The following COBL variants were observed in gnomAD, a reference collection of about 807,000 sequenced individuals.
COBL encodes the protein protein cordon-bleu.
A neutral mutation model predicts 98.8 loss-of-function variants in COBL; 51 were observed. The observed-to-expected ratio is 0.52, with a 90% CI of 0.41 to 0.65. The LOEUF is 0.65. Ranked by LOEUF, COBL falls within the 30% of genes least tolerant of loss-of-function variation. The pLI, the probability that COBL is intolerant of heterozygous loss-of-function variation, is 0.00. For missense variants in COBL, 1,617 were observed against 1,617.5 expected, an observed-to-expected ratio of 1.00 and a Z score of 0.01; for synonymous variants, 634 against 651.7, an observed-to-expected ratio of 0.97 and a Z score of 0.41.
chr7:51,098,369 A>G (rs910354340), intron 6 of COBL, among the ~76,000 whole-genome samples: 1 of 152,060 alleles, frequency 6.6e-6, no homozygotes, highest in Non-Finnish European at 1.5e-5. Context: ...TTCAAAACAT[A>G]TTACAAAGCT....
intron 2 of COBL, among the ~76,000 whole-genome samples, chr7:51,194,837 G>A (rs961962031): frequency 6.6e-6 from 1 of 151,896 alleles, no homozygotes; most frequent in African/African-American, 2.4e-5. Flanking sequence ...GGGTACATGT[G>A]CACAACGTGC....
chr7:51,022,659 T>C (rs1248470231), intron 12 of COBL: 1 of 152,186 alleles, frequency 6.6e-6, no homozygotes, highest in Non-Finnish European at 1.5e-5. Flanking sequence ...CGCTTGCTGG[T>C]TGTGGACCTC....
At chr7:51,148,647 C>G (rs1785261932) in intron 5 of COBL, among the ~76,000 whole-genome samples, 1 of 152,192 alleles carries the variant, frequency 6.6e-6, no homozygotes, top group South Asian at 2.1e-4. Flanking sequence ...GCTCCCTTTC[C>G]TGGGAATCCT....
chr7:51,196,024 C>T lies in COBL; in HGVS notation c.246-2435G>A, dbSNP rs1000906136. Among the ~76,000 whole-genome samples, 3 of 152,126 alleles carry T rather than the reference C, an allele frequency of 2.0e-5. No individual in the cohort carries two copies. The South Asian group carries it at 6.2e-4, about 32-fold the overall frequency. ...TGCCTGACTGCCCTGGCCAAAATTT[C>T]CAGTACTATGTTGAATAGGAGTGGT... On this transcript the variant is annotated intron_variant, in intron 2 of 12. Coordinates refer to ENST00000265136, the MANE Select transcript of COBL (RefSeq NM_015198.5).
intron 11 of COBL, among the ~76,000 whole-genome samples, chr7:51,026,021 G>C (rs1222426352): frequency 1.3e-5 from 2 of 152,160 alleles, no homozygotes; most frequent in Non-Finnish European, 2.9e-5. Flanking sequence ...ACCCATTACT[G>C]GGGGCAAGAC....
intron 1 of COBL, among the ~76,000 whole-genome samples, chr7:51,266,600 C>T (rs1229096521): frequency 1.3e-5 from 2 of 152,078 alleles, no homozygotes; most frequent in African/African-American, 4.8e-5. Context: ...AAAAAAAGAT[C>T]AACTGATTCT....
At chr7:51,026,800 T>C (rs1161513317) in intron 10 of COBL, 135 bp from the exon 11 acceptor site, 9 of 1,125,666 alleles carry the variant, frequency 8.0e-6, no homozygotes, top group Non-Finnish European at 1.1e-5. Flanking sequence ...CGGGAGGCTG[T>C]GGCACCAGAA....
At chr7:51,296,070 C>T (rs963407982) in intron 1 of COBL, among the ~76,000 whole-genome samples, 7 of 152,134 alleles carry the variant, frequency 4.6e-5, no homozygotes, top group African/African-American at 1.2e-4. Flanking sequence ...CTAACTGCTC[C>T]GCTCCTTCTT....
rs955867797 is a variant in COBL at position 51,224,112 on chromosome 7, T to G, written c.42-4168A>C. ...GCACAGGTTTGCAGCCCAGGAACAA[T>G]AGGCTACAGCATACAGCTAGGTGTG... is the stretch of plus-strand genomic sequence containing the variant. On this transcript the variant is annotated intron_variant, in intron 1 of 12. Transcript: ENST00000265136. 2.0e-5 allele frequency among the ~76,000 whole-genome samples: 3 copies of G among 152,162 alleles called. No homozygotes were observed. In the South Asian group the frequency reaches 6.2e-4, roughly 32 times the overall value.
intron 1 of COBL, among the ~76,000 whole-genome samples, chr7:51,247,271 G>A (rs748184066): frequency 1.2e-4 from 18 of 152,012 alleles, no homozygotes; most frequent in East Asian, 1.9e-4. Context: ...CTCTTCTTTC[G>A]GGGCCACTCT....
At position 51,041,726 on chromosome 7, in the gene COBL, C is replaced by T. The variant is rs148344917; in HGVS notation, c.1406+1657G>A. ...CTTGAACTCCTGACCTCAGGTGATC[C>T]GCCCACCTGAGCCTCCCAAAGTGCT... On this transcript the variant is annotated intron_variant, in intron 8 of 12. Transcript: ENST00000265136. Among the ~76,000 whole-genome samples the T allele has an allele frequency of 5.9e-3, 904 of 151,994 alleles. 6 individuals carry two copies. Among genetic ancestry groups the T allele is most frequent in the African/African-American group, 0.02 (824 of 41,478 alleles).
At chr7:51,278,379 C>CT (rs10649607) in intron 1 of COBL, among the ~76,000 whole-genome samples, 47,513 of 119,372 alleles carry the variant, frequency 0.4, 10,676 homozygotes, top group Middle Eastern at 0.53. Flanking sequence ...TAGACAGGAT[C>CT]TTTTTTTTTT....
chr7:51,289,321 A>G (rs1800675948), intron 1 of COBL, among the ~76,000 whole-genome samples: 1 of 151,572 alleles, frequency 6.6e-6, no homozygotes, highest in Non-Finnish European at 1.5e-5. Context: ...CTCCCAAGTG[A>G]CTCTAGGCTC....
intron 6 of COBL, among the ~76,000 whole-genome samples, chr7:51,135,121 C>T (rs1352285811): frequency 6.6e-6 from 1 of 152,048 alleles, no homozygotes; most frequent in Non-Finnish European, 1.5e-5. Context: ...CACCACCATG[C>T]CTGGCTAATT....
At chr7:51,047,297 C>G (rs952252949) in intron 7 of COBL, among the ~76,000 whole-genome samples, 1 of 152,180 alleles carries the variant, frequency 6.6e-6, no homozygotes, top group African/African-American at 2.4e-5. Flanking sequence ...GGAATATTAA[C>G]CCTTCTATTG....
chr7:51,099,449 TAGAGAAA>T (rs1795619105), intron 6 of COBL, among the ~76,000 whole-genome samples: 1 of 152,262 alleles, frequency 6.6e-6, no homozygotes, highest in East Asian at 1.9e-4. Flanking sequence ...TGCTGTAACT[TAGAGAAA>T]CTTTGAAAAG....
chr7:51,070,262 CCT>C (rs747431453), intron 7 of COBL, among the ~76,000 whole-genome samples: 7 of 152,100 alleles, frequency 4.6e-5, no homozygotes, highest in Non-Finnish European at 1.0e-4. Flanking sequence ...AATACTTGAA[CCT>C]CTGTCTTCAC....
intron 1 of COBL, among the ~76,000 whole-genome samples, chr7:51,297,283 G>C (rs1253655342): frequency 1.3e-5 from 2 of 152,096 alleles, no homozygotes; most frequent in Non-Finnish European, 1.5e-5. Context: ...AATCACACCA[G>C]GTGTTAACTG....
At chr7:51,056,903 TTTG>T (rs1323971962) in intron 7 of COBL, among the ~76,000 whole-genome samples, 1 of 151,706 alleles carries the variant, frequency 6.6e-6, no homozygotes, top group African/African-American at 2.4e-5. Flanking sequence ...CTTTCTGCAG[TTTG>T]TTACTTGTGA....
Sources: gnomAD v4.1 joint callset for allele counts (sites outside exome capture counted in the v4.1 genomes callset) on GRCh38, gnomAD v4.1.1 for gene constraint, MANE v1.5 for transcripts, NCBI Gene and HGNC (gene_info 2026-07-23, HGNC 2026-07-21) for gene names.